ADAMTS15: variants seen among roughly 807,000 people sequenced by gnomAD.
ADAMTS15 encodes the protein A disintegrin and metalloproteinase with thrombospondin motifs 15.
ADAMTS15 carries 35 observed loss-of-function variants against 79.1 expected under a neutral mutation model. The ratio of observed to expected loss-of-function variants is 0.44; its 90% CI spans 0.34 to 0.59. The LOEUF is 0.59. ADAMTS15 is among the 20% of genes least tolerant of loss of function. The pLI is 0.02. For missense variants in ADAMTS15, 1,324 were observed against 1,318.7 expected (o/e 1.00, Z -0.06); for synonymous variants, 616 against 567.3 (o/e 1.09, Z -1.22).
chr11:130,454,701 G>C (rs1938037442), intron 1 of ADAMTS15, among the ~76,000 whole-genome samples: 1 of 152,196 alleles, frequency 6.6e-6, no homozygotes, highest in East Asian at 1.9e-4. Flanking sequence ...AGTGGGAAGA[G>C]AGAGGGAGGA....
Position 130,461,600 on chromosome 11 carries a change from T to C in ADAMTS15, c.1069T>C (p.Phe357Leu), listed in dbSNP as rs899832623. The C allele has an allele frequency of 6.2e-7, 1 of 1,614,030 alleles. No individual in the cohort carries two copies. Among genetic ancestry groups the C allele is most frequent in the African/African-American group, 1.3e-5 (1 of 74,924 alleles). ...TGAGGACGATGGGCTTCCATCAGCC[T>C]TCACCACTGCCCACGAGCTGGGTAA... ...VIEDDGLPSAFTTAHELGHVF... is the reference protein window; with the variant it reads ...VIEDDGLPSALTTAHELGHVF... The change falls in exon 2 of 8, where the codon TTC (phenylalanine) becomes CTC (leucine). Residue 357 changes from phenylalanine (F) to leucine (L), a missense_variant. Coordinates refer to ENST00000299164, the MANE Select transcript of ADAMTS15 (RefSeq NM_139055.4).
chr11:130,454,298 C>T (rs1661362581), intron 1 of ADAMTS15, among the ~76,000 whole-genome samples: 1 of 152,210 alleles, frequency 6.6e-6, no homozygotes, highest in Non-Finnish European at 1.5e-5. Flanking sequence ...CTTTTCCCCT[C>T]TCACAACCCT....
chr11:130,465,020 A>C (rs1303449343), intron 4 of ADAMTS15, among the ~76,000 whole-genome samples: 1 of 151,958 alleles, frequency 6.6e-6, no homozygotes, highest in African/African-American at 2.4e-5. Flanking sequence ...GATGACCCAG[A>C]AATTTAGGTG....
At chr11:130,458,845 C>G (rs889090311) in intron 1 of ADAMTS15, among the ~76,000 whole-genome samples, 11 of 152,242 alleles carry the variant, frequency 7.2e-5, no homozygotes, top group African/African-American at 2.4e-4. Context: ...GTCCAGAGCT[C>G]CAGCCTTGCT....
At chr11:130,454,150 C>T (rs1938026178) in intron 1 of ADAMTS15, among the ~76,000 whole-genome samples, 1 of 152,156 alleles carries the variant, frequency 6.6e-6, no homozygotes, top group South Asian at 2.1e-4. Flanking sequence ...CCTGTTGCCT[C>T]TTCATATCAT....
At chr11:130,471,478 G>A (rs1938458044) in intron 7 of ADAMTS15, 95 bp downstream of exon 7, 7 of 1,431,064 alleles carry the variant, frequency 4.9e-6, no homozygotes, top group Non-Finnish European at 2.8e-6. Context: ...TGGGGTAAAT[G>A]TCAGATCCAG....
Position 130,449,896 on chromosome 11 carries a change from A to G in ADAMTS15, c.923A>G (p.Glu308Gly). ...AACAAAGTGAGTGACAAGCACCCCG[A>G]GTACTGGGACACTGCCATCCTCTTC... ...KLNKVSDKHP[E>G]YWDTAILFTR... is the part of the protein sequence containing the mutation. Residue 308 changes from glutamate to glycine, a missense_variant, in exon 1 of 8, where the codon GAG (glutamate) becomes GGG (glycine). Glu to Gly is a moderately conservative substitution (Grantham distance 98). Transcript: ENST00000299164. The surrounding 1 kb of genome is among the most constrained non-coding windows in gnomAD (Gnocchi z 7.8). 1 of 1,600,834 alleles carries G rather than the reference A, an allele frequency of 6.2e-7. No homozygotes were observed.
chr11:130,463,708 A>G (rs970075152), intron 4 of ADAMTS15, among the ~76,000 whole-genome samples: 3 of 152,126 alleles, frequency 2.0e-5, no homozygotes, highest in African/African-American at 7.2e-5. Context: ...TAAACCTTCA[A>G]CCGTTGGCTA....
chr11:130,458,797 G>A (rs1294022463), intron 1 of ADAMTS15, among the ~76,000 whole-genome samples: 2 of 152,138 alleles, frequency 1.3e-5, no homozygotes, highest in South Asian at 4.1e-4. Flanking sequence ...GCAAGGGTAG[G>A]TGCCTGCCCC....
At position 130,475,387 on chromosome 11, in the gene ADAMTS15, G is replaced by A. The variant is rs1938561020; in HGVS notation, c.*1566G>A. On this transcript the variant is annotated 3_prime_UTR_variant, in exon 8 of 8. Coordinates refer to ENST00000299164, the MANE Select transcript of ADAMTS15 (RefSeq NM_139055.4). ...GGGTCACAGCTTCTTTGGCTAAGCA[G>A]GGTGTTTCTTGAAGGTTCAGATGCC... 6.6e-6 allele frequency: 1 copy of A among 152,302 alleles called. No homozygotes were observed. Among genetic ancestry groups the A allele is most frequent in the Non-Finnish European group, 1.5e-5 (1 of 68,092 alleles). 9.4% of individuals were successfully genotyped at this position (152,302 alleles called of 1,614,324 possible).
rs1937925107 is a variant in ADAMTS15 at position 130,449,796 on chromosome 11, C to T, written c.823C>T (p.Arg275Cys). 3.7e-6 allele frequency: 6 copies of T among 1,611,968 alleles called. No individual in the cohort carries two copies. Among genetic ancestry groups the T allele is most frequent in the Non-Finnish European group, 5.1e-6 (6 of 1,180,026 alleles). Residue 275 changes from arginine to cysteine, a missense_variant, in exon 1 of 8, where the codon CGT (arginine) becomes TGT (cysteine). Physicochemically the swap from Arg to Cys is radical, Grantham distance 180. Transcript: ENST00000299164. This position sits in a 1 kb window ranked among gnomAD's most constrained non-coding sequence, Gnocchi z 7.8. Reference protein sequence around the residue: ...VVVKVLLLRDRDSGPKVTGNA... With the variant: ...VVVKVLLLRDCDSGPKVTGNA... ...GGTCAAGGTGCTGCTTCTTAGAGAT[C>T]GTGACTCCGGGCCCAAGGTCACCGG...
chr11:130,473,340 C>A lies in ADAMTS15; in HGVS notation c.2372C>A (p.Pro791Gln). The stretch of plus-strand genomic sequence containing the variant: ...GTCCTCTCCGTGGGGAAGATGACAC[C>A]GCCCCGGGTCCGCTACTCCTTCTAT... ...VEVLSVGKMT[P>Q]PRVRYSFYLP... is the part of the protein sequence containing the mutation. The change falls in exon 8 of 8, where the codon CCG (proline) becomes CAG (glutamine). Residue 791 changes from proline (P) to glutamine (Q), a missense_variant. Physicochemically the swap from Pro to Gln is moderately conservative, Grantham distance 76 (BLOSUM62 -1). Transcript: ENST00000299164. 1 of 1,612,938 alleles carries A rather than the reference C, an allele frequency of 6.2e-7. No homozygotes were observed.
intron 5 of ADAMTS15, among the ~76,000 whole-genome samples, chr11:130,470,168 A>ACACATG (rs1289468941): frequency 1.2e-4 from 7 of 58,668 alleles, no homozygotes; most frequent in African/African-American, 6.0e-4. Flanking sequence ...ATATATATAT[A>ACACATG]TATATATATA....
At position 130,473,525 on chromosome 11, in the gene ADAMTS15, G is replaced by C. The variant is rs139836940; in HGVS notation, c.2557G>C (p.Ala853Pro). The C allele has an allele frequency of 6.2e-7, 1 of 1,607,482 alleles. No homozygotes were observed. The highest frequency in any genetic ancestry group is 8.5e-7 in the Non-Finnish European group (1 of 1,176,554). The part of the protein sequence containing the change: ...WVAGSWGPCS[A>P]SCGSGLQKRA... ...GGCTGGCAGCTGGGGGCCGTGCTCC[G>C]CGAGCTGCGGCAGTGGCCTGCAGAA... Residue 853 changes from alanine (A) to proline (P), a missense_variant, in exon 8 of 8, where the codon GCG becomes CCG. Physicochemically the swap from Ala to Pro is conservative, Grantham distance 27. Transcript: ENST00000299164.
chr11:130,472,585 G>A lies in ADAMTS15; in HGVS notation c.2079-462G>A, dbSNP rs1230628791. 2.6e-5 allele frequency among the ~76,000 whole-genome samples: 4 copies of A among 152,182 alleles called. No homozygotes were observed. ...AGGAGTTGGCGTGTGAGCCAGGCTG[G>A]ATCTGCGTCCCTGCCTCCAGGGCCA... On this transcript the variant is annotated intron_variant, in intron 7 of 7. Coordinates refer to ENST00000299164, the MANE Select transcript of ADAMTS15 (RefSeq NM_139055.4). This position sits in a 1 kb window ranked among gnomAD's most constrained non-coding sequence, Gnocchi z 4.7.
At chr11:130,466,240 T>G (rs982835173) in intron 4 of ADAMTS15, among the ~76,000 whole-genome samples, 5 of 152,206 alleles carry the variant, frequency 3.3e-5, no homozygotes, top group Non-Finnish European at 7.3e-5. Flanking sequence ...CCATCCACAC[T>G]CAATCTCTTC....
In ADAMTS15 at chr11:130,474,184, T is replaced by G; in HGVS notation, c.*363T>G. On this transcript the variant is annotated 3_prime_UTR_variant, in exon 8 of 8. Transcript: ENST00000299164. ...CCCCAGAACGGAGGCCACAGGCTGCTGGAAGAGCCATGTCCCAGCAGCTTG... is the reference window on the plus strand; with the variant it reads ...CCCCAGAACGGAGGCCACAGGCTGCGGGAAGAGCCATGTCCCAGCAGCTTG... The G allele has an allele frequency of 4.4e-6, 1 of 226,004 alleles. No individual in the cohort carries two copies. Among genetic ancestry groups the G allele is most frequent in the Non-Finnish European group, 8.7e-6 (1 of 115,250 alleles). 14.0% of individuals were successfully genotyped at this position (226,004 alleles called of 1,614,324 possible).
rs1324280113 is a variant in ADAMTS15 at position 130,471,000 on chromosome 11, G to A, written c.1801G>A (p.Val601Met). Reference protein sequence around the residue: ...NHSTNRLTLAVAWVPKYSGVS... With the variant: ...NHSTNRLTLAMAWVPKYSGVS... The stretch of plus-strand genomic sequence containing the variant: ...CAGCACCAACCGGCTCACTCTCGCC[G>A]TGGCATGGGTGCCCAAGTACTCCGG... The change falls in exon 6 of 8, where the codon GTG becomes ATG. Residue 601 changes from valine (V) to methionine (M), a missense_variant. Val to Met is a conservative substitution (Grantham distance 21, BLOSUM62 1). Coordinates refer to ENST00000299164, the MANE Select transcript of ADAMTS15 (RefSeq NM_139055.4). 5.0e-6 allele frequency: 8 copies of A among 1,613,842 alleles called. No homozygotes were observed. Among genetic ancestry groups the A allele is most frequent in the Non-Finnish European group, 6.8e-6 (8 of 1,180,034 alleles).
At chr11:130,453,535 T>G (rs1321375249) in intron 1 of ADAMTS15, among the ~76,000 whole-genome samples, 2 of 152,066 alleles carry the variant, frequency 1.3e-5, no homozygotes, top group African/African-American at 4.8e-5. Flanking sequence ...TGGGGTCAAG[T>G]AATACTCCCA....
Sources: allele counts gnomAD v4.1 joint callset (sites outside exome capture counted in the v4.1 genomes callset), GRCh38; gene constraint gnomAD v4.1.1; non-coding constraint Gnocchi (gnomAD v3.1); transcripts MANE v1.5; gene names NCBI Gene and HGNC (gene_info 2026-07-23, HGNC 2026-07-21).